Variants in STIM1 observed in about 807,000 individuals in gnomAD.
STIM1 encodes the protein stromal interaction molecule 1.
Under a neutral mutation model 74.7 loss-of-function variants are expected in STIM1, and 25 were observed. The observed-to-expected ratio is 0.33, with a 90% CI of 0.24 to 0.47. STIM1 has a LOEUF of 0.47. Among genes scored for constraint, STIM1 ranks in the 20% least tolerant of loss-of-function variants. The probability of loss-of-function intolerance (pLI) is 1.00; values close to 1 mark genes in which losing one functional copy is unlikely to be tolerated. For synonymous variants in STIM1, 328 were observed against 348.8 expected (o/e 0.94, Z 0.66); for missense variants, 728 against 920.8 (o/e 0.79, Z 2.71).
intron 1 of STIM1, among the ~76,000 whole-genome samples, chr11:3,857,096 G>GTTGTT (rs2090406486): frequency 1.3e-5 from 1 of 77,978 alleles, no homozygotes; most frequent in Non-Finnish European, 2.4e-5. Context: ...CATGCTACAG[G>GTTGTT]TTTTTTTTTT....
intron 1 of STIM1, among the ~76,000 whole-genome samples, chr11:3,909,186 G>A (rs1304450888): frequency 6.6e-6 from 1 of 152,150 alleles, no homozygotes; most frequent in Admixed American, 6.5e-5. Context: ...GGGAGGCCAA[G>A]GCCAGAGCTG....
chr11:3,931,125 A>T (rs2092854712), intron 1 of STIM1, among the ~76,000 whole-genome samples: 1 of 152,306 alleles, frequency 6.6e-6, no homozygotes, highest in East Asian at 1.9e-4. Flanking sequence ...AGAGGAACTT[A>T]ATATTGTTTA....
rs1014570473 is a variant in STIM1, at chr11:4,088,561, A to C, written c.1634+2018A>C. The C allele has an allele frequency of 2.1e-5, 15 of 722,746 alleles. No homozygotes were observed. In the African/African-American group the frequency reaches 2.4e-4, roughly 12 times the overall value. 44.8% of individuals were successfully genotyped at this position (722,746 alleles called of 1,614,324 possible). A position where few individuals can be genotyped will look rare whatever the true frequency, so the allele number is the denominator to read the frequency against. On this transcript the variant is annotated intron_variant, in intron 12 of 12. Transcript: ENST00000526596. ...CTTCCAGTACAGATGGAGAGGATCA[A>C]ATTGGGTTGGGGACACTAAGGGATG...
At position 3,920,877 on chromosome 11, in the gene STIM1, C is replaced by T. The variant is rs143584559; in HGVS notation, c.140-46675C>T. On this transcript the variant is annotated intron_variant, in intron 1 of 12. Coordinates refer to ENST00000526596, the MANE Select transcript of STIM1 (RefSeq NM_001382567.1). ...ATGGTGCAGTCTTGGCTCACTACAG[C>T]CTCCACCTTCTGGGTTCAAGTGATT... 8.8e-3 allele frequency among the ~76,000 whole-genome samples: 1,329 copies of T among 151,588 alleles called. 12 individuals are homozygous for T. The highest frequency in any genetic ancestry group is 0.031 in the African/African-American group (1,261 of 41,252).
chr11:3,981,215 A>G (rs1266762022), intron 2 of STIM1, among the ~76,000 whole-genome samples: 1 of 152,186 alleles, frequency 6.6e-6, no homozygotes, highest in Non-Finnish European at 1.5e-5. Context: ...GGCGTGAGCC[A>G]CCACGCCCAG....
intron 5 of STIM1, 62 bp from the exon 6 acceptor site, chr11:4,069,964 A>T: frequency 6.4e-7 from 1 of 1,566,474 alleles, no homozygotes; most frequent in South Asian, 1.1e-5. Flanking sequence ...GATGCAGTGG[A>T]GTCTGCAAGG....
chr11:3,915,650 G>A (rs1209289532), intron 1 of STIM1, among the ~76,000 whole-genome samples: 1 of 152,102 alleles, frequency 6.6e-6, no homozygotes, highest in African/African-American at 2.4e-5. Context: ...ACATGCCTCA[G>A]CCTCCCAAAG....
At chr11:4,068,439 TAACA>T (rs1208170882) in intron 5 of STIM1, among the ~76,000 whole-genome samples, 2 of 152,110 alleles carry the variant, frequency 1.3e-5, no homozygotes, top group Admixed American at 1.3e-4. Flanking sequence ...TAAAAGTCAT[TAACA>T]AACAGGGGAG....
In STIM1 at chr11:4,074,493, C is replaced by G. The variant is rs200264068; in HGVS notation, c.792-9C>G. On this transcript the variant is annotated splice_polypyrimidine_tract_variant and intron_variant, in intron 6 of 12. Transcript: ENST00000526596. ...TGGCCTCCTCCAGCTCCCTGCATTG[C>G]CCCCCCAGGCTGCACAAGGCCCAGG... The G allele has an allele frequency of 6.2e-7, 1 of 1,612,302 alleles. No individual in the cohort carries two copies. Among genetic ancestry groups the G allele is most frequent in the Admixed American group, 1.7e-5 (1 of 59,986 alleles).
chr11:4,027,045 C>T (rs1478704746), intron 3 of STIM1, among the ~76,000 whole-genome samples: 2 of 152,176 alleles, frequency 1.3e-5, no homozygotes, highest in Non-Finnish European at 2.9e-5. Flanking sequence ...CACCCCCCAT[C>T]CTGAGTCATC....
At chr11:3,918,116 C>A (rs934910684) in intron 1 of STIM1, among the ~76,000 whole-genome samples, 1 of 152,160 alleles carries the variant, frequency 6.6e-6, no homozygotes. Flanking sequence ...CTCTCTCCCC[C>A]TTTGGCTCTG....
intron 1 of STIM1, among the ~76,000 whole-genome samples, chr11:3,865,654 T>C (rs550314835): frequency 6.6e-6 from 1 of 152,290 alleles, no homozygotes; most frequent in East Asian, 1.9e-4. Context: ...ATCTGTTTGC[T>C]GGGATGTACA....
Position 3,974,045 on chromosome 11 carries a change from A to G in STIM1, c.270+6363A>G, listed in dbSNP as rs551592966. 121 of 699,666 alleles carry G rather than the reference A, an allele frequency of 1.7e-4. No individual in the cohort carries two copies. The African/African-American group carries it at 1.9e-3, about 11-fold the overall frequency. 43.3% of individuals were successfully genotyped at this position (699,666 alleles called of 1,614,324 possible). A position where few individuals can be genotyped will look rare whatever the true frequency, so the allele number is the denominator to read the frequency against. Reference sequence around the variant, plus strand: ...ATTCACGGCTGCATCCACCTCCTCCACAGTGGCATATGTGACAAACCCAAA... The same window carrying G: ...ATTCACGGCTGCATCCACCTCCTCCGCAGTGGCATATGTGACAAACCCAAA... On this transcript the variant is annotated intron_variant, in intron 2 of 12. Coordinates refer to ENST00000526596, the MANE Select transcript of STIM1 (RefSeq NM_001382567.1).
intron 1 of STIM1, among the ~76,000 whole-genome samples, chr11:3,900,438 C>G (rs1249691989): frequency 6.6e-6 from 1 of 152,172 alleles, no homozygotes; most frequent in Non-Finnish European, 1.5e-5. Context: ...TGCGCCGCAC[C>G]CACTGTCCTG....
At chr11:4,008,678 A>G (rs2093806238) in intron 2 of STIM1, among the ~76,000 whole-genome samples, 1 of 152,162 alleles carries the variant, frequency 6.6e-6, no homozygotes, top group Non-Finnish European at 1.5e-5. Flanking sequence ...ATTTCATTGC[A>G]TGGCACACTC....
At chr11:3,960,212 G>A (rs2093270958) in intron 1 of STIM1, among the ~76,000 whole-genome samples, 1 of 152,080 alleles carries the variant, frequency 6.6e-6, no homozygotes, top group Non-Finnish European at 1.5e-5. Flanking sequence ...AGATAACTAT[G>A]GTTATTCAGT....
Position 4,070,085 on chromosome 11 carries a change from G to T in STIM1, c.673G>T (p.Gly225Cys), listed in dbSNP as rs747254186. 5.0e-6 allele frequency: 8 copies of T among 1,614,118 alleles called. No homozygotes were observed. Among genetic ancestry groups the T allele is most frequent in the Non-Finnish European group, 6.8e-6 (8 of 1,180,028 alleles). ...GGTGGTGTCTATCGTTATTGGTGTGGGCGGCTGCTGGTTTGCCTATATCCA... is the reference window on the plus strand; with the variant it reads ...GGTGGTGTCTATCGTTATTGGTGTGTGCGGCTGCTGGTTTGCCTATATCCA... ...MLVVSIVIGV[G>C]GCWFAYIQNR... The change falls in exon 6 of 13, where the codon GGC becomes TGC. Residue 225 changes from glycine to cysteine, a missense_variant. Physicochemically the swap from Gly to Cys is radical, Grantham distance 159. Around this residue, in one of 5 missense-constraint regions of STIM1, gnomAD observed 132 missense variants for 158.2 expected, o/e 0.83. Coordinates refer to ENST00000526596, the MANE Select transcript of STIM1 (RefSeq NM_001382567.1).
intron 1 of STIM1, among the ~76,000 whole-genome samples, chr11:3,952,591 T>C (rs1187168445): frequency 6.6e-6 from 1 of 152,192 alleles, no homozygotes; most frequent in Non-Finnish European, 1.5e-5. Flanking sequence ...ATTTGCTACC[T>C]CTGCAATTCA....
At chr11:3,895,634 C>G (rs2092054057) in intron 1 of STIM1, among the ~76,000 whole-genome samples, 1 of 6,966 alleles carries the variant, frequency 1.4e-4, no homozygotes, top group Non-Finnish European at 4.2e-4. Flanking sequence ...TTCTTTCTTT[C>G]TTTCTTTCTT....
Sources: gnomAD v4.1 joint callset for allele counts (sites outside exome capture counted in the v4.1 genomes callset) on GRCh38, gnomAD v4.1.1 for gene constraint, gnomAD v4.1.1 regional missense constraint, MANE v1.5 for transcripts, NCBI Gene and HGNC (gene_info 2026-07-23, HGNC 2026-07-21) for gene names.